KCNK2: variants seen among roughly 807,000 people sequenced by gnomAD.
KCNK2 encodes potassium two pore domain channel subfamily K member 2.
In KCNK2, 21 loss-of-function variants were observed where a neutral mutation model predicts 40.5. The observed-to-expected ratio is 0.52, with a 90% confidence interval of 0.37 to 0.75. The LOEUF is 0.75. Among genes scored for constraint, KCNK2 ranks in the 30% least tolerant of loss-of-function variants. The pLI is 0.00. For missense variants in KCNK2, 399 were observed against 531.6 expected, an observed-to-expected ratio of 0.75 and a Z score of 2.45; for synonymous variants, 191 against 202.2, an observed-to-expected ratio of 0.94 and a Z score of 0.47.
intron 1 of KCNK2, among the ~76,000 whole-genome samples, chr1:215,021,800 G>A (rs568448994): frequency 6.6e-6 from 1 of 152,012 alleles, no homozygotes; most frequent in South Asian, 2.1e-4. Context: ...CGCCCGCCTC[G>A]GCCTCCCACG....
intron 1 of KCNK2, among the ~76,000 whole-genome samples, chr1:215,066,565 T>C (rs998218629): frequency 1.3e-5 from 2 of 152,162 alleles, no homozygotes; most frequent in Admixed American, 6.5e-5. Context: ...GGGCTGTTTT[T>C]GGTGTGGCTC....
intron 6 of KCNK2, among the ~76,000 whole-genome samples, chr1:215,223,528 G>C (rs534605460): frequency 6.6e-6 from 1 of 152,140 alleles, no homozygotes; most frequent in South Asian, 2.1e-4. Context: ...AGGACTGCAA[G>C]GGAAAAAAAG....
intron 1 of KCNK2, among the ~76,000 whole-genome samples, chr1:215,007,799 G>C (rs548932409): frequency 8.5e-5 from 13 of 152,180 alleles, no homozygotes; most frequent in South Asian, 2.1e-4. Flanking sequence ...TTGGATATAA[G>C]CTTAACGTTG....
chr1:215,013,881 A>T (rs988789984), intron 1 of KCNK2, among the ~76,000 whole-genome samples: 3 of 152,072 alleles, frequency 2.0e-5, no homozygotes, highest in Admixed American at 6.6e-5. Flanking sequence ...TTATTTCTTC[A>T]TTTCCAGTCA....
intron 3 of KCNK2, among the ~76,000 whole-genome samples, chr1:215,129,094 C>T (rs770780899): frequency 2.4e-4 from 37 of 151,786 alleles, no homozygotes; most frequent in African/African-American, 8.0e-4. Context: ...CACAAAATGT[C>T]GAAATAATTA....
In KCNK2 at chr1:215,090,875, A is replaced by G. The variant is rs189609917; in HGVS notation, c.357+4197A>G. ...TCAGAGTCTTCCTGCTGAAGGGATT[A>G]TCTTCTCTTTATACTAGGCATCTCA... On this transcript the variant is annotated intron_variant, in intron 2 of 6. Transcript: ENST00000444842. 3.3e-5 allele frequency among the ~76,000 whole-genome samples: 5 copies of G among 152,184 alleles called. No homozygotes were observed. The East Asian group carries it at 9.7e-4, about 29-fold the overall frequency.
At chr1:215,218,433 C>T (rs1666041220) in intron 6 of KCNK2, among the ~76,000 whole-genome samples, 1 of 152,212 alleles carries the variant, frequency 6.6e-6, no homozygotes, top group Admixed American at 6.5e-5. Context: ...CTATGTCCTA[C>T]TCTAATGTCC....
chr1:215,175,812 G>T (rs1412683017), intron 5 of KCNK2, among the ~76,000 whole-genome samples: 1 of 152,062 alleles, frequency 6.6e-6, no homozygotes, highest in Admixed American at 6.6e-5. Context: ...CATCCATGTT[G>T]CTGTAAAGGA....
chr1:215,168,176 C>A (rs939960305), intron 3 of KCNK2, among the ~76,000 whole-genome samples: 8 of 152,118 alleles, frequency 5.3e-5, no homozygotes, highest in Admixed American at 3.3e-4. Context: ...CCAACTCATG[C>A]TAGTCAGAAT....
intron 2 of KCNK2, among the ~76,000 whole-genome samples, chr1:215,099,011 A>G (rs1347664046): frequency 6.6e-6 from 1 of 151,910 alleles, no homozygotes; most frequent in Non-Finnish European, 1.5e-5. Context: ...GTATGCATGT[A>G]TTTATCTAAC....
chr1:215,083,476 C>T (rs757502103), intron 1 of KCNK2, 45 bp downstream of exon 1: 3 of 1,414,588 alleles, frequency 2.1e-6, no homozygotes, highest in Middle Eastern at 2.1e-4. Context: ...GCCGCACGCT[C>T]TCCTGCCCCA....
chr1:215,154,268 C>T (rs374211323), intron 3 of KCNK2, among the ~76,000 whole-genome samples: 1 of 152,142 alleles, frequency 6.6e-6, no homozygotes, highest in South Asian at 2.1e-4. Flanking sequence ...TGTTTCTTGA[C>T]TTTTGAATAA....
chr1:215,063,750 G>A (rs776860090), intron 1 of KCNK2, among the ~76,000 whole-genome samples: 2 of 152,096 alleles, frequency 1.3e-5, no homozygotes, highest in Non-Finnish European at 2.9e-5. Flanking sequence ...CATAATACAC[G>A]GTACATTAGC....
chr1:215,170,590 T>A (rs1405548359), intron 4 of KCNK2, among the ~76,000 whole-genome samples: 1 of 152,190 alleles, frequency 6.6e-6, no homozygotes, highest in Admixed American at 6.5e-5. Context: ...TTTCTCAATT[T>A]GGATTACAGT....
chr1:215,194,453 T>C (rs373107198), intron 5 of KCNK2, among the ~76,000 whole-genome samples: 13 of 152,334 alleles, frequency 8.5e-5, no homozygotes, highest in African/African-American at 2.6e-4. Context: ...ATTCATTGTA[T>C]TGATGACTTT....
intron 6 of KCNK2, among the ~76,000 whole-genome samples, chr1:215,204,010 C>A (rs1450319721): frequency 7.9e-6 from 1 of 126,610 alleles, no homozygotes; most frequent in Non-Finnish European, 1.5e-5. Flanking sequence ...TGCACTCCAG[C>A]CTGGGCGATA....
chr1:215,047,327 T>C (rs10494992), intron 1 of KCNK2, among the ~76,000 whole-genome samples: 50,389 of 151,976 alleles, frequency 0.33, 9,506 homozygotes, highest in South Asian at 0.76. Context: ...ACTTTAGCAT[T>C]TTTGAATTTT....
rs183576624 is a variant in KCNK2, at chr1:215,033,468, G to A, written c.34+27513G>A. ...CTTGAAAGCCAGACATAATGTACTG[G>A]GTACAAATAACTGTTGTAAATAGGC... On this transcript the variant is annotated intron_variant, in intron 1 of 6. Transcript: ENST00000391895. Among the ~76,000 whole-genome samples, 4 of 152,142 alleles carry A rather than the reference G, an allele frequency of 2.6e-5. No individual in the cohort carries two copies. The East Asian group carries it at 7.7e-4, about 29-fold the overall frequency.
chr1:215,062,905 A>G (rs1393577029), intron 1 of KCNK2, among the ~76,000 whole-genome samples: 1 of 152,160 alleles, frequency 6.6e-6, no homozygotes, highest in Non-Finnish European at 1.5e-5. Context: ...CTGATTTTAT[A>G]GGAGAATGAA....
Sources: allele counts gnomAD v4.1 joint callset (sites outside exome capture counted in the v4.1 genomes callset), GRCh38; gene constraint gnomAD v4.1.1; transcripts MANE v1.5; gene names NCBI Gene and HGNC (gene_info 2026-07-23, HGNC 2026-07-21).